MID1: variants seen among roughly 807,000 people sequenced by gnomAD.
The protein encoded by MID1 is E3 ubiquitin-protein ligase Midline-1.
In MID1, 7 loss-of-function variants were observed where a neutral mutation model predicts 40.4. The observed-to-expected ratio is 0.17, with a 90% CI of 0.10 to 0.33. The LOEUF (loss-of-function observed/expected upper bound fraction) is 0.33, where lower values mean the gene tolerates loss of function less well. MID1 is among the 10% of genes least tolerant of loss of function. The pLI is 1.00. For missense variants in MID1, 367 were observed against 558.5 expected (o/e 0.66, Z 3.46); for synonymous variants, 229 against 221.2 (o/e 1.04, Z -0.31).
At chrX:10,814,600 T>C (rs868702179) in intron 1 of MID1, among the ~76,000 whole-genome samples, 5 of 100,560 alleles carry the variant, frequency 5.0e-5, no homozygotes, top group South Asian at 8.7e-4. Flanking sequence ...TGTGTGTGTG[T>C]GCGTGTGTGC....
At chrX:10,790,436 C>T (rs776604686) in intron 1 of MID1, among the ~76,000 whole-genome samples, 10 of 110,998 alleles carry the variant, frequency 9.0e-5, no homozygotes, top group African/African-American at 2.9e-4. Context: ...GTCAGTGTGA[C>T]TCCAGCACCC....
At chrX:10,612,696 T>C (rs1935755048) in intron 1 of MID1, among the ~76,000 whole-genome samples, 1 of 112,559 alleles carries the variant, frequency 8.9e-6, no homozygotes, top group African/African-American at 3.2e-5. Flanking sequence ...AGTTGCCTCA[T>C]TATAAACCAA....
intron 2 of MID1, among the ~76,000 whole-genome samples, chrX:10,547,348 G>A (rs986659052): frequency 3.6e-5 from 4 of 110,162 alleles, no homozygotes; most frequent in Admixed American, 2.9e-4. Context: ...CAAGGCGGGC[G>A]GATCACCTGA....
At chrX:10,806,467 C>G (rs12008732) in intron 1 of MID1, among the ~76,000 whole-genome samples, 3,623 of 111,904 alleles carry the variant, frequency 0.032, 159 homozygotes, top group African/African-American at 0.11. Context: ...GACCTCAATT[C>G]TCTGAAGGAT....
intron 1 of MID1, among the ~76,000 whole-genome samples, chrX:10,641,252 A>G (rs1376424690): frequency 1.8e-5 from 2 of 112,023 alleles, no homozygotes; most frequent in African/African-American, 6.5e-5. Context: ...GAAAAGATCA[A>G]CAAAATTGAT....
intron 1 of MID1, among the ~76,000 whole-genome samples, chrX:10,735,970 T>C (rs1232351530): frequency 9.0e-6 from 1 of 111,468 alleles, no homozygotes; most frequent in Non-Finnish European, 1.9e-5. Flanking sequence ...ATTGTCAGAG[T>C]GTGTTAACTT....
At chrX:10,724,766 C>G (rs1295285067) in intron 1 of MID1, among the ~76,000 whole-genome samples, 2 of 112,434 alleles carry the variant, frequency 1.8e-5, no homozygotes, top group Non-Finnish European at 3.8e-5. Context: ...ATCTTAGTTA[C>G]CTTGGTTGAT....
chrX:10,671,409 A>G, intron 1 of MID1, among the ~76,000 whole-genome samples: 1 of 112,185 alleles, frequency 8.9e-6, no homozygotes, highest in East Asian at 2.8e-4. Flanking sequence ...ACTAGTGTCT[A>G]CCAAAGAGGG....
intron 1 of MID1, among the ~76,000 whole-genome samples, chrX:10,588,976 T>A (rs1935205228): frequency 1.8e-5 from 2 of 111,579 alleles, no homozygotes; most frequent in Non-Finnish European, 1.9e-5. Flanking sequence ...TTTCTTGAAA[T>A]TTTTCAACAT....
intron 1 of MID1, among the ~76,000 whole-genome samples, chrX:10,735,848 T>A (rs1433555960): frequency 9.0e-6 from 1 of 110,987 alleles, no homozygotes; most frequent in Non-Finnish European, 1.9e-5. Flanking sequence ...TGCCACCACA[T>A]CCTGGTTAAG....
intron 2 of MID1, among the ~76,000 whole-genome samples, chrX:10,535,880 C>T (rs1259975961): frequency 1.8e-5 from 2 of 111,382 alleles, no homozygotes; most frequent in Non-Finnish European, 3.8e-5. Flanking sequence ...CTTGTGTAGT[C>T]TAAAAGGTAA....
At chrX:10,665,092 A>G (rs1423368368) in intron 1 of MID1, among the ~76,000 whole-genome samples, 1 of 112,162 alleles carries the variant, frequency 8.9e-6, no homozygotes, top group Non-Finnish European at 1.9e-5. Flanking sequence ...TTCCATCTGT[A>G]GCCCCTGAAG....
intron 1 of MID1, among the ~76,000 whole-genome samples, chrX:10,765,914 A>C (rs2043718393): frequency 1.0e-5 from 1 of 100,070 alleles, no homozygotes; most frequent in African/African-American, 4.2e-5. Context: ...AGAAAAAGAA[A>C]GAAAGAAAGA....
At chrX:10,576,776 A>G (rs143559715) in intron 1 of MID1, 42 of 111,298 alleles carry the variant, frequency 3.8e-4, no homozygotes, top group African/African-American at 1.3e-3. Flanking sequence ...ATCACCTTGA[A>G]TACCCACCAA....
intron 1 of MID1, among the ~76,000 whole-genome samples, chrX:10,629,347 G>A (rs1405194732): frequency 2.7e-5 from 3 of 109,967 alleles, no homozygotes; most frequent in Non-Finnish European, 5.7e-5. Flanking sequence ...ATAGGTGAGT[G>A]CCACCATGCC....
intron 1 of MID1, among the ~76,000 whole-genome samples, chrX:10,656,673 T>C (rs1405396204): frequency 9.0e-6 from 1 of 111,435 alleles, no homozygotes; most frequent in Non-Finnish European, 1.9e-5. Flanking sequence ...CTGTCTGGGT[T>C]AGAGCTGGGT....
At chrX:10,614,293 C>T (rs938530130) in intron 1 of MID1, among the ~76,000 whole-genome samples, 3 of 111,806 alleles carry the variant, frequency 2.7e-5, no homozygotes, top group African/African-American at 9.8e-5. Context: ...CAACTGGGGG[C>T]CTGTGGCTCC....
intron 1 of MID1, among the ~76,000 whole-genome samples, chrX:10,731,465 GA>G (rs1445075544): frequency 8.9e-6 from 1 of 112,043 alleles, no homozygotes; most frequent in Non-Finnish European, 1.9e-5. Flanking sequence ...GGTAGTCAAT[GA>G]ATATCGGCAG....
At chrX:10,752,546 A>T (rs2043606918) in intron 1 of MID1, among the ~76,000 whole-genome samples, 1 of 111,712 alleles carries the variant, frequency 9.0e-6, no homozygotes, top group East Asian at 2.8e-4. Context: ...AAGCATTGTC[A>T]ATCTGGTAGA....
Sources: gnomAD v4.1 joint callset for allele counts (sites outside exome capture counted in the v4.1 genomes callset) on GRCh38, gnomAD v4.1.1 for gene constraint, MANE v1.5 for transcripts, NCBI Gene and HGNC (gene_info 2026-07-23, HGNC 2026-07-21) for gene names.